The following PDE4D variants were observed in gnomAD, a reference collection of about 807,000 sequenced individuals.
PDE4D encodes phosphodiesterase 4D.
A neutral mutation model predicts 87.4 loss-of-function variants in PDE4D; 24 were observed. The ratio of observed to expected loss-of-function variants is 0.27; its 90% confidence interval spans 0.20 to 0.39. The LOEUF is 0.39. Ranked by LOEUF, PDE4D falls within the 10% of genes least tolerant of loss-of-function variation. The pLI is 1.00. For missense variants in PDE4D, 714 were observed against 1,041.0 expected, an observed-to-expected ratio of 0.69 and a Z score of 4.32; for synonymous variants, 384 against 383.2, an observed-to-expected ratio of 1.00 and a Z score of -0.02.
intron 5 of PDE4D, among the ~76,000 whole-genome samples, chr5:59,136,699 G>A (rs557537040): frequency 3.9e-5 from 6 of 152,040 alleles, no homozygotes; most frequent in Admixed American, 1.3e-4. Flanking sequence ...CTTTACTCCC[G>A]ACAGTCATGA....
intron 1 of PDE4D, among the ~76,000 whole-genome samples, chr5:59,333,845 T>C (rs1336568555): frequency 2.6e-5 from 4 of 152,104 alleles, no homozygotes; most frequent in Non-Finnish European, 5.9e-5. Flanking sequence ...ATCCTAATTA[T>C]ATTTCATACA....
At chr5:59,076,889 A>C (rs761490469) in intron 5 of PDE4D, among the ~76,000 whole-genome samples, 1 of 152,200 alleles carries the variant, frequency 6.6e-6, no homozygotes, top group Non-Finnish European at 1.5e-5. Context: ...TTCAATATCT[A>C]ATAAAAGATA....
Position 59,826,941 on chromosome 5 carries a change from T to C in PDE4D, c.455+66227A>G, listed in dbSNP as rs1455261008. On this transcript the variant is annotated intron_variant, in intron 1 of 14. Transcript: ENST00000340635. ...ATTGAACAGGAATCGTCTATAGGAA[T>C]GTTACAGGTGTCACAGGAGAGGATT... Among the ~76,000 whole-genome samples, 6 of 152,102 alleles carry C rather than the reference T, an allele frequency of 3.9e-5. No individual in the cohort carries two copies. The South Asian group carries it at 1.0e-3, about 26-fold the overall frequency.
chr5:60,009,664 C>G (rs1432353141), intron 2 of PDE4D, among the ~76,000 whole-genome samples: 1 of 151,960 alleles, frequency 6.6e-6, no homozygotes, highest in East Asian at 1.9e-4. Context: ...AACCAGGGAC[C>G]TCAAATCAAA....
chr5:59,100,770 G>T (rs1402289369), intron 5 of PDE4D, among the ~76,000 whole-genome samples: 1 of 152,160 alleles, frequency 6.6e-6, no homozygotes, highest in Non-Finnish European at 1.5e-5. Context: ...ACAGTACTTA[G>T]ATGTAAAAAT....
chr5:59,840,336 CTG>C (rs59482787), intron 1 of PDE4D, among the ~76,000 whole-genome samples: 12 of 149,040 alleles, frequency 8.1e-5, no homozygotes, highest in African/African-American at 1.2e-4. Context: ...AAATGATCCT[CTG>C]TGTGTGTGTG....
At chr5:60,210,482 A>C (rs1294323262) in intron 1 of PDE4D, among the ~76,000 whole-genome samples, 1 of 152,182 alleles carries the variant, frequency 6.6e-6, no homozygotes, top group African/African-American at 2.4e-5. Flanking sequence ...CCTTAAAACA[A>C]GGAAAATAAA....
chr5:60,127,767 G>A lies in PDE4D; in HGVS notation c.42+57790C>T, dbSNP rs552291789. 256 of 524,828 alleles carry A rather than the reference G, an allele frequency of 4.9e-4. 1 individual carries two copies. The highest frequency in any genetic ancestry group is 3.7e-3 in the Middle Eastern group (13 of 3,526). The allele number at this position is 524,828 out of a possible 1,614,324, so 32.5% of individuals were successfully genotyped here. ...ACTCAATGGAAGATATTGAAAAAGC[G>A]GTAGGATATACAGGTCTGAGTTCCA... On this transcript the variant is annotated intron_variant, in intron 2 of 16. Coordinates refer to the PDE4D transcript ENST00000502484.
At chr5:59,333,941 A>C (rs560872156) in intron 1 of PDE4D, among the ~76,000 whole-genome samples, 13 of 152,156 alleles carry the variant, frequency 8.5e-5, no homozygotes, top group African/African-American at 3.1e-4. Flanking sequence ...CATTGTTAAA[A>C]GATGTATGCA....
chr5:59,064,814 T>G (rs369721781), intron 5 of PDE4D, among the ~76,000 whole-genome samples: 4 of 152,154 alleles, frequency 2.6e-5, no homozygotes, highest in African/African-American at 9.6e-5. Context: ...TTCCCCACCA[T>G]TCCAACAAAT....
At chr5:60,515,088 T>C (rs1750735897) in intron 1 of PDE4D, among the ~76,000 whole-genome samples, 1 of 152,136 alleles carries the variant, frequency 6.6e-6, no homozygotes, top group Admixed American at 6.5e-5. Flanking sequence ...TACATACAAA[T>C]ACATCTAACA....
intron 1 of PDE4D, among the ~76,000 whole-genome samples, chr5:59,563,599 T>C (rs1216184202): frequency 6.6e-6 from 1 of 152,192 alleles, no homozygotes; most frequent in Non-Finnish European, 1.5e-5. Flanking sequence ...AACAACACTC[T>C]GAGGTAAGTA....
intron 2 of PDE4D, among the ~76,000 whole-genome samples, chr5:60,124,196 A>G (rs866960030): frequency 6.6e-6 from 1 of 152,170 alleles, no homozygotes; most frequent in Non-Finnish European, 1.5e-5. Flanking sequence ...TAATACTATG[A>G]CAATTGCCAA....
chr5:59,848,607 T>A (rs941696198), intron 1 of PDE4D, among the ~76,000 whole-genome samples: 1 of 151,958 alleles, frequency 6.6e-6, no homozygotes. Context: ...GGAAAATATA[T>A]CACAGTTTTA....
chr5:60,085,959 T>C (rs1370599375), intron 2 of PDE4D, among the ~76,000 whole-genome samples: 2 of 152,186 alleles, frequency 1.3e-5, no homozygotes, highest in Non-Finnish European at 1.5e-5. Flanking sequence ...ACAATTGACT[T>C]TACAGCTATT....
chr5:59,323,707 T>G (rs1775122934), intron 1 of PDE4D, among the ~76,000 whole-genome samples: 1 of 152,142 alleles, frequency 6.6e-6, no homozygotes, highest in Non-Finnish European at 1.5e-5. Context: ...CCTGGAATAT[T>G]GTAATTGATT....
chr5:59,346,995 AAGG>A (rs1254089822), intron 1 of PDE4D, among the ~76,000 whole-genome samples: 1 of 152,118 alleles, frequency 6.6e-6, no homozygotes, highest in East Asian at 1.9e-4. Context: ...AAGATGGCAG[AAGG>A]AGTTTTGTTG....
At chr5:59,891,147 C>T (rs1468545806) in intron 1 of PDE4D, among the ~76,000 whole-genome samples, 2 of 152,118 alleles carry the variant, frequency 1.3e-5, no homozygotes, top group Non-Finnish European at 2.9e-5. Context: ...TGCCTGTGAA[C>T]CATTCAACTA....
At chr5:59,711,990 A>G (rs1448215237) in intron 1 of PDE4D, among the ~76,000 whole-genome samples, 1 of 152,138 alleles carries the variant, frequency 6.6e-6, no homozygotes, top group Non-Finnish European at 1.5e-5. Context: ...CAATTACATT[A>G]TAAAAATCAA....
Sources: allele counts gnomAD v4.1 joint callset (sites outside exome capture counted in the v4.1 genomes callset), GRCh38; gene constraint gnomAD v4.1.1; transcripts MANE v1.5; gene names NCBI Gene and HGNC (gene_info 2026-07-23, HGNC 2026-07-21).